Variants in TBC1D14 observed in about 807,000 individuals in gnomAD.
TBC1D14 encodes the protein TBC1 domain family member 14, also known as TBC1 domain family, member 14.
TBC1D14 carries 26 observed loss-of-function variants against 79.0 expected under a neutral mutation model. The ratio of observed to expected loss-of-function variants is 0.33; its 90% confidence interval spans 0.24 to 0.46. The LOEUF is 0.46. Among genes scored for constraint, TBC1D14 ranks in the 20% least tolerant of loss-of-function variants. The pLI, the probability that TBC1D14 is intolerant of heterozygous loss-of-function variation, is 1.00. For missense variants in TBC1D14, 769 were observed against 887.6 expected, an observed-to-expected ratio of 0.87 and a Z score of 1.70; for synonymous variants, 394 against 349.9, an observed-to-expected ratio of 1.13 and a Z score of -1.40.
At chr4:6,937,160 G>C (rs1402324129) in intron 2 of TBC1D14, among the ~76,000 whole-genome samples, 1 of 152,138 alleles carries the variant, frequency 6.6e-6, no homozygotes, top group Non-Finnish European at 1.5e-5. Context: ...CAGGTGATCT[G>C]CCCGCCACAA....
chr4:7,025,312 C>T (rs776191498), intron 13 of TBC1D14, 50 bp downstream of exon 13: 8 of 1,607,300 alleles, frequency 5.0e-6, no homozygotes, highest in East Asian at 4.5e-5. Context: ...CGGCAAGTGG[C>T]GCGACTCAGG....
At chr4:6,960,019 C>G (rs1715033213) in intron 2 of TBC1D14, among the ~76,000 whole-genome samples, 1 of 151,554 alleles carries the variant, frequency 6.6e-6, no homozygotes, top group African/African-American at 2.4e-5. Context: ...GTTTGCATGG[C>G]TCAGAAATCA....
intron 3 of TBC1D14, among the ~76,000 whole-genome samples, chr4:6,972,206 C>T (rs180800514): frequency 1.1e-4 from 16 of 152,306 alleles, no homozygotes; most frequent in Admixed American, 9.1e-4. Context: ...ACTTCTGTGG[C>T]CCTTGCCTTC....
intron 6 of TBC1D14, among the ~76,000 whole-genome samples, chr4:7,000,213 C>A (rs977496120): frequency 2.0e-5 from 3 of 152,244 alleles, no homozygotes; most frequent in African/African-American, 7.2e-5. Flanking sequence ...CTGCTCCCAC[C>A]GAGGGAGACC....
At chr4:6,945,278 G>A (rs1288268049) in intron 2 of TBC1D14, among the ~76,000 whole-genome samples, 1 of 152,160 alleles carries the variant, frequency 6.6e-6, no homozygotes, top group Non-Finnish European at 1.5e-5. Flanking sequence ...ACACAGCCTG[G>A]ATCAGTGAAA....
At chr4:7,011,814 TC>T (rs1191574656) in intron 11 of TBC1D14, among the ~76,000 whole-genome samples, 1 of 151,192 alleles carries the variant, frequency 6.6e-6, no homozygotes, top group African/African-American at 2.4e-5. Context: ...TGCCTCGGCC[TC>T]CCAAATTGCT....
intron 3 of TBC1D14, among the ~76,000 whole-genome samples, chr4:6,978,921 AATG>A (rs1320970689): frequency 2.6e-5 from 4 of 152,162 alleles, no homozygotes; most frequent in Non-Finnish European, 4.4e-5. Flanking sequence ...TGAAAGCAAA[AATG>A]ATAATGTCTG....
intron 7 of TBC1D14, 71 bp from the exon 8 acceptor site, chr4:7,004,773 A>G: frequency 7.3e-7 from 1 of 1,361,720 alleles, no homozygotes; most frequent in South Asian, 1.2e-5. Flanking sequence ...AGGAAATAGT[A>G]CTGTGTTCTG....
chr4:6,944,273 C>T (rs66808450), intron 2 of TBC1D14, among the ~76,000 whole-genome samples: 20,712 of 152,150 alleles, frequency 0.14, 1,978 homozygotes, highest in African/African-American at 0.27. Context: ...GGAAACATTT[C>T]TCAGCACAAT....
chr4:6,924,047 G>A lies in TBC1D14; in HGVS notation c.658G>A (p.Val220Ile). The change falls in exon 2 of 14, where the codon GTT (valine) becomes ATT (isoleucine). Residue 220 changes from valine to isoleucine, a missense_variant. Val to Ile is a conservative substitution (Grantham distance 29). This residue lies in a region of TBC1D14 where 402 missense variants were observed against 393.2 expected (regional missense o/e 1.02). Coordinates refer to ENST00000409757, the MANE Select transcript of TBC1D14 (RefSeq NM_020773.3). The part of the protein sequence containing the change: ...ETRGLHQQDC[V>I]HEAEEGSKLK... ...CCGTGGCTTACACCAGCAGGACTGT[G>A]TTCATGAAGCTGAGGAGGGGAGTAA... The A allele has an allele frequency of 6.2e-7, 1 of 1,614,110 alleles. No individual in the cohort carries two copies. Among genetic ancestry groups the A allele is most frequent in the Non-Finnish European group, 8.5e-7 (1 of 1,180,038 alleles).
At position 6,987,192 on chromosome 4, in the gene TBC1D14, C is replaced by G. The variant is rs1717932261; in HGVS notation, c.844-6992C>G. ...CGGATCGCCTCGCTGTGTCTGCGCG[C>G]GATTGAGCGGCCTGCCGCCCCGCCC... On this transcript the variant is annotated intron_variant, in intron 3 of 13. Transcript: ENST00000409757. 6 of 1,226,266 alleles carry G rather than the reference C, an allele frequency of 4.9e-6. No individual in the cohort carries two copies. In the South Asian group the frequency reaches 2.1e-4, roughly 42 times the overall value. 76.0% of individuals were successfully genotyped at this position (1,226,266 alleles called of 1,614,324 possible). A position where few individuals can be genotyped will look rare whatever the true frequency, so the allele number is the denominator to read the frequency against.
intron 11 of TBC1D14, among the ~76,000 whole-genome samples, chr4:7,012,075 C>T (rs918818348): frequency 4.6e-5 from 7 of 151,598 alleles, no homozygotes; most frequent in East Asian, 2.0e-4. Context: ...CCGAGGAGGG[C>T]GGATCACGAG....
intron 2 of TBC1D14, among the ~76,000 whole-genome samples, chr4:6,932,882 A>G (rs1229488274): frequency 6.6e-6 from 1 of 152,170 alleles, no homozygotes; most frequent in African/African-American, 2.4e-5. Flanking sequence ...GCTGTCCATC[A>G]TGGTGTGGCT....
Position 6,967,260 on chromosome 4 carries a change from G to C in TBC1D14, c.723-44G>C, listed in dbSNP as rs752156849. 5 of 1,602,620 alleles carry C rather than the reference G, an allele frequency of 3.1e-6. No individual in the cohort carries two copies. In the African/African-American group the frequency reaches 5.4e-5, roughly 17 times the overall value. ...TGGTTCTGCTGTTCTGGTGTTTCTT[G>C]AATTACCCAGAAATGCCCTAACCTT... On this transcript the variant is annotated intron_variant, in intron 2 of 13. Coordinates refer to ENST00000409757, the MANE Select transcript of TBC1D14 (RefSeq NM_020773.3).
At chr4:6,994,346 T>G in intron 4 of TBC1D14, 44 bp downstream of exon 4, 1 of 1,556,676 alleles carries the variant, frequency 6.4e-7, no homozygotes. Flanking sequence ...CTTTAGGAAA[T>G]AAGTACAACT....
intron 2 of TBC1D14, among the ~76,000 whole-genome samples, chr4:6,965,595 C>G (rs1224471084): frequency 6.6e-6 from 1 of 152,170 alleles, no homozygotes; most frequent in Non-Finnish European, 1.5e-5. Context: ...GTCACTCAGA[C>G]TGGTGGTGTA....
intron 2 of TBC1D14, among the ~76,000 whole-genome samples, chr4:6,932,534 C>G (rs1471262171): frequency 6.6e-6 from 1 of 152,150 alleles, no homozygotes; most frequent in African/African-American, 2.4e-5. Context: ...GGGATAGGGT[C>G]AGTGGGACCA....
At chr4:6,985,509 T>G (rs941745944) in intron 3 of TBC1D14, among the ~76,000 whole-genome samples, 2 of 152,240 alleles carry the variant, frequency 1.3e-5, no homozygotes, top group Non-Finnish European at 2.9e-5. Context: ...TGTGTGTGTT[T>G]GTACACACAT....
At chr4:6,930,523 C>T (rs556011306) in intron 2 of TBC1D14, among the ~76,000 whole-genome samples, 16 of 152,288 alleles carry the variant, frequency 1.1e-4, no homozygotes, top group African/African-American at 3.1e-4. Flanking sequence ...GGGGGCCAGG[C>T]GCAGTGGCTC....
Sources: gnomAD v4.1 joint callset for allele counts (sites outside exome capture counted in the v4.1 genomes callset) on GRCh38, gnomAD v4.1.1 for gene constraint, gnomAD v4.1.1 regional missense constraint, MANE v1.5 for transcripts, NCBI Gene and HGNC (gene_info 2026-07-23, HGNC 2026-07-21) for gene names.